Variants in CTNND2 observed in about 807,000 individuals in gnomAD.
The protein encoded by CTNND2 is catenin delta-2.
A neutral mutation model predicts 144.4 loss-of-function variants in CTNND2; 22 were observed. That is an observed-to-expected ratio of 0.15 (90% CI 0.11 to 0.22). CTNND2 has a LOEUF of 0.22. CTNND2 is among the 10% of genes least tolerant of loss of function. The pLI is 1.00. For missense variants in CTNND2, 1,353 were observed against 1,618.8 expected (o/e 0.84, Z 2.82); for synonymous variants, 751 against 695.6 (o/e 1.08, Z -1.25).
Position 10,973,849 on chromosome 5 carries a change from C to A in CTNND2, c.3418-136G>T. 1 of 933,828 alleles carries A rather than the reference C, an allele frequency of 1.1e-6. No individual in the cohort carries two copies. Among genetic ancestry groups the A allele is most frequent in the Non-Finnish European group, 1.5e-6 (1 of 658,160 alleles). 57.8% of individuals were successfully genotyped at this position (933,828 alleles called of 1,614,324 possible). On this transcript the variant is annotated intron_variant, in intron 21 of 21. Transcript: ENST00000304623. The surrounding 1 kb of genome is among the most constrained non-coding windows in gnomAD (Gnocchi z 5.6). ...ATTCACCACTGTGGCCCTGCTTCTC[C>A]AAAACTGCCAACTGTCATTGGCTTT... is the stretch of plus-strand genomic sequence containing the variant.
At chr5:11,758,895 T>A (rs1789099243) in intron 1 of CTNND2, among the ~76,000 whole-genome samples, 1 of 152,060 alleles carries the variant, frequency 6.6e-6, no homozygotes, top group Non-Finnish European at 1.5e-5. Context: ...ATGTTTCACA[T>A]CATCAACAGT....
At chr5:11,540,848 T>C (rs1774664496) in intron 3 of CTNND2, among the ~76,000 whole-genome samples, 1 of 152,200 alleles carries the variant, frequency 6.6e-6, no homozygotes, top group Admixed American at 6.5e-5. Context: ...GGGTTTATAC[T>C]TACCTCTAGT....
chr5:11,449,137 C>G (rs544453324), intron 3 of CTNND2, among the ~76,000 whole-genome samples: 3 of 151,990 alleles, frequency 2.0e-5, no homozygotes, highest in Non-Finnish European at 4.4e-5. Flanking sequence ...AATCAAAACA[C>G]AATTTATTTT....
chr5:11,390,564 A>C (rs911516508), intron 6 of CTNND2, among the ~76,000 whole-genome samples: 14 of 152,220 alleles, frequency 9.2e-5, no homozygotes, highest in Non-Finnish European at 1.6e-4. Context: ...AAGCAAAAGC[A>C]CATTTTATAA....
chr5:11,029,440 C>G (rs941456284), intron 16 of CTNND2, among the ~76,000 whole-genome samples: 1 of 152,048 alleles, frequency 6.6e-6, no homozygotes, highest in African/African-American at 2.4e-5. Context: ...TTTCTTTCGT[C>G]TATATAGTTT....
At chr5:10,994,031 GACATATT>G (rs1232106842) in intron 18 of CTNND2, among the ~76,000 whole-genome samples, 1 of 150,838 alleles carries the variant, frequency 6.6e-6, no homozygotes, top group Non-Finnish European at 1.5e-5. Context: ...AGTAATATTG[GACATATT>G]ACTCTAATGG....
At chr5:11,754,581 G>C (rs1290076652) in intron 1 of CTNND2, among the ~76,000 whole-genome samples, 1 of 151,616 alleles carries the variant, frequency 6.6e-6, no homozygotes, top group East Asian at 1.9e-4. Context: ...ATTATTGTGT[G>C]GTTATCTACA....
chr5:11,635,114 G>A (rs1581641558), intron 2 of CTNND2, among the ~76,000 whole-genome samples: 1 of 151,906 alleles, frequency 6.6e-6, no homozygotes, highest in African/African-American at 2.4e-5. Context: ...TGTAAACTTA[G>A]GAAGGAAGAA....
chr5:11,425,457 T>G (rs1168260673), intron 3 of CTNND2, among the ~76,000 whole-genome samples: 2 of 152,212 alleles, frequency 1.3e-5, no homozygotes, highest in African/African-American at 4.8e-5. Flanking sequence ...ACGGGAAAGA[T>G]GGAGCAGCCT....
At chr5:11,838,375 A>G (rs1794287348) in intron 1 of CTNND2, among the ~76,000 whole-genome samples, 1 of 152,164 alleles carries the variant, frequency 6.6e-6, no homozygotes, top group Admixed American at 6.5e-5. Flanking sequence ...TCTCTGCCAG[A>G]TGTGAAGTAA....
At chr5:11,049,000 T>C (rs1014018) in intron 16 of CTNND2, among the ~76,000 whole-genome samples, 10,546 of 152,230 alleles carry the variant, frequency 0.069, 534 homozygotes, top group Non-Finnish European at 0.11. Context: ...TCCACACCAG[T>C]TGTGACAACA....
intron 17 of CTNND2, among the ~76,000 whole-genome samples, chr5:11,018,821 C>T (rs1741912005): frequency 6.6e-6 from 1 of 151,764 alleles, no homozygotes; most frequent in African/African-American, 2.4e-5. Context: ...AGCGATTCTC[C>T]TTCCTCAGCC....
intron 11 of CTNND2, 127 bp downstream of exon 11, chr5:11,199,321 C>G: frequency 1.3e-6 from 1 of 770,822 alleles, no homozygotes; most frequent in Non-Finnish European, 2.1e-6. Context: ...CATTTGAAAA[C>G]ACATATTGAG....
intron 1 of CTNND2, among the ~76,000 whole-genome samples, chr5:11,812,189 T>G (rs1792371133): frequency 6.6e-6 from 1 of 152,162 alleles, no homozygotes; most frequent in South Asian, 2.1e-4. Context: ...TGTCCTGTTG[T>G]GCGGGGAATA....
At chr5:11,018,184 C>T (rs1741831318) in intron 17 of CTNND2, 126 bp from the exon 18 acceptor site, 2 of 653,598 alleles carry the variant, frequency 3.1e-6, no homozygotes, top group Non-Finnish European at 2.8e-6. Flanking sequence ...ATGATCAGTG[C>T]TCCCTGATAT....
intron 1 of CTNND2, among the ~76,000 whole-genome samples, chr5:11,760,973 C>G (rs1789229108): frequency 6.6e-6 from 1 of 152,036 alleles, no homozygotes; most frequent in African/African-American, 2.4e-5. Context: ...TTTAGTTGGT[C>G]TTTTCATTGT....
chr5:11,426,917 G>A (rs1335605676), intron 3 of CTNND2, among the ~76,000 whole-genome samples: 1 of 152,216 alleles, frequency 6.6e-6, no homozygotes, highest in Non-Finnish European at 1.5e-5. Flanking sequence ...GGTAGAATAT[G>A]TGCATATCAA....
At chr5:11,684,386 G>A (rs1187769895) in intron 2 of CTNND2, among the ~76,000 whole-genome samples, 6 of 152,148 alleles carry the variant, frequency 3.9e-5, no homozygotes, top group Admixed American at 2.0e-4. Context: ...ACAGGCGTGA[G>A]CCACCGCAGC....
At chr5:11,794,430 A>G (rs1791296253) in intron 1 of CTNND2, among the ~76,000 whole-genome samples, 1 of 152,228 alleles carries the variant, frequency 6.6e-6, no homozygotes, top group African/African-American at 2.4e-5. Flanking sequence ...CAGATGCTAC[A>G]TGCTGTAAGA....
Sources: gnomAD v4.1 joint callset for allele counts (sites outside exome capture counted in the v4.1 genomes callset) on GRCh38, gnomAD v4.1.1 for gene constraint, Gnocchi (gnomAD v3.1) non-coding constraint, MANE v1.5 for transcripts, NCBI Gene and HGNC (gene_info 2026-07-23, HGNC 2026-07-21) for gene names.